Variants in FER observed in about 807,000 individuals in gnomAD.
The protein encoded by FER is FER tyrosine kinase.
Under a neutral mutation model 111.0 loss-of-function variants are expected in FER, and 63 were observed. The ratio of observed to expected loss-of-function variants is 0.57; its 90% CI spans 0.46 to 0.70. The LOEUF (loss-of-function observed/expected upper bound fraction) is 0.70, where lower values mean the gene tolerates loss of function less well. Among genes scored for constraint, FER ranks in the 30% least tolerant of loss-of-function variants. The pLI is 0.00. For synonymous variants in FER, 327 were observed against 313.9 expected (o/e 1.04, Z -0.44); for missense variants, 914 against 954.0 (o/e 0.96, Z 0.55).
At chr5:108,940,936 C>G (rs1756171021) in intron 10 of FER, among the ~76,000 whole-genome samples, 1 of 152,078 alleles carries the variant, frequency 6.6e-6, no homozygotes, top group Non-Finnish European at 1.5e-5. Context: ...TCTGGGTCTT[C>G]ACATTCTAGG....
intron 1 of FER, among the ~76,000 whole-genome samples, chr5:108,758,926 C>T (rs1233141932): frequency 1.3e-5 from 2 of 152,126 alleles, no homozygotes; most frequent in Admixed American, 1.3e-4. Flanking sequence ...AATGCCCTCA[C>T]CTATCATTGT....
At chr5:109,172,623 TTAAAG>T (rs1296241595) in intron 17 of FER, among the ~76,000 whole-genome samples, 1 of 151,868 alleles carries the variant, frequency 6.6e-6, no homozygotes, top group Non-Finnish European at 1.5e-5. Context: ...ACCCTAAAAC[TTAAAG>T]TATAATAATA....
At chr5:108,927,066 A>G (rs1753841358) in intron 10 of FER, among the ~76,000 whole-genome samples, 1 of 151,858 alleles carries the variant, frequency 6.6e-6, no homozygotes, top group South Asian at 2.1e-4. Context: ...TTGATATTGT[A>G]TTATGTGTGG....
chr5:108,992,193 G>T (rs1389732820), intron 13 of FER, among the ~76,000 whole-genome samples: 1 of 152,154 alleles, frequency 6.6e-6, no homozygotes, highest in African/African-American at 2.4e-5. Flanking sequence ...AGGGTTGGGG[G>T]TAAGGTCACA....
intron 13 of FER, among the ~76,000 whole-genome samples, chr5:109,004,938 T>C (rs978382480): frequency 6.6e-6 from 1 of 152,128 alleles, no homozygotes; most frequent in African/African-American, 2.4e-5. Flanking sequence ...TTTGTTTTGT[T>C]TTTTAATAAA....
intron 10 of FER, among the ~76,000 whole-genome samples, chr5:108,944,548 A>G (rs937287845): frequency 4.6e-5 from 7 of 152,136 alleles, no homozygotes; most frequent in Non-Finnish European, 1.0e-4. Context: ...TAATTTTTAA[A>G]AGTAGCCATT....
At chr5:109,048,315 G>A (rs148723894) in intron 16 of FER, among the ~76,000 whole-genome samples, 1 of 152,138 alleles carries the variant, frequency 6.6e-6, no homozygotes, top group Non-Finnish European at 1.5e-5. Flanking sequence ...CATTAAGATG[G>A]CATTGTCTGT....
intron 8 of FER, among the ~76,000 whole-genome samples, chr5:108,882,774 T>C (rs1025263677): frequency 5.3e-5 from 8 of 151,920 alleles, no homozygotes; most frequent in Admixed American, 4.0e-4. Flanking sequence ...GTTTTTGTGG[T>C]AGAAATACTT....
intron 1 of FER, among the ~76,000 whole-genome samples, chr5:108,761,703 G>C (rs1018184812): frequency 2.0e-5 from 3 of 152,184 alleles, no homozygotes; most frequent in African/African-American, 7.2e-5. Flanking sequence ...GGGAATATTT[G>C]TGAAGTGCAG....
chr5:108,977,744 T>C (rs1761552016), intron 13 of FER, among the ~76,000 whole-genome samples: 2 of 152,232 alleles, frequency 1.3e-5, no homozygotes, highest in Admixed American at 1.3e-4. Flanking sequence ...AACCTCATAA[T>C]GGCTTTCAGA....
At chr5:108,796,535 G>T (rs1317826830) in intron 2 of FER, among the ~76,000 whole-genome samples, 2 of 152,132 alleles carry the variant, frequency 1.3e-5, no homozygotes, top group Non-Finnish European at 2.9e-5. Context: ...CAAAACCTTA[G>T]AAATCTACCT....
chr5:109,074,223 A>T (rs72792519), intron 16 of FER, among the ~76,000 whole-genome samples: 1 of 152,170 alleles, frequency 6.6e-6, no homozygotes, highest in Non-Finnish European at 1.5e-5. Context: ...AAATAAGGAA[A>T]CTGAAGCAAA....
intron 16 of FER, among the ~76,000 whole-genome samples, chr5:109,049,246 C>T (rs1291172998): frequency 2.0e-5 from 3 of 152,174 alleles, no homozygotes; most frequent in Non-Finnish European, 2.9e-5. Flanking sequence ...TCCTGGCAGC[C>T]TTGACTGTGT....
chr5:109,049,389 A>C (rs978164773), intron 16 of FER, among the ~76,000 whole-genome samples: 1 of 152,150 alleles, frequency 6.6e-6, no homozygotes. Context: ...CTATATGTCT[A>C]AAGTTCCTGT....
chr5:108,839,608 C>T (rs1761044447), intron 5 of FER, among the ~76,000 whole-genome samples: 2 of 139,744 alleles, frequency 1.4e-5, no homozygotes, highest in African/African-American at 5.4e-5. Context: ...GACGGAGCCT[C>T]GCTCTGCCTC....
At chr5:109,154,962 A>G (rs1755211266) in intron 17 of FER, among the ~76,000 whole-genome samples, 1 of 151,884 alleles carries the variant, frequency 6.6e-6, no homozygotes, top group Non-Finnish European at 1.5e-5. Flanking sequence ...GAGCATCTCC[A>G]TCTCAAGCAG....
intron 3 of FER, among the ~76,000 whole-genome samples, chr5:108,828,383 A>G (rs1759692739): frequency 6.6e-6 from 1 of 152,186 alleles, no homozygotes; most frequent in African/African-American, 2.4e-5. Context: ...AACTAAAGCT[A>G]TCTTCTGACT....
intron 14 of FER, among the ~76,000 whole-genome samples, chr5:109,041,030 A>T (rs1367920143): frequency 1.3e-5 from 2 of 152,102 alleles, no homozygotes; most frequent in African/African-American, 4.8e-5. Context: ...TGAGGATGGG[A>T]GATTTGAGAA....
At chr5:108,934,564 G>C (rs1212591141) in intron 10 of FER, among the ~76,000 whole-genome samples, 1 of 152,056 alleles carries the variant, frequency 6.6e-6, no homozygotes, top group African/African-American at 2.4e-5. Context: ...TATCTAATCA[G>C]CAACTATATT....
Sources: allele counts gnomAD v4.1 joint callset (sites outside exome capture counted in the v4.1 genomes callset), GRCh38; gene constraint gnomAD v4.1.1; transcripts MANE v1.5; gene names NCBI Gene and HGNC (gene_info 2026-07-23, HGNC 2026-07-21).